Variants in MAGI1 observed in about 807,000 individuals in gnomAD.
The protein encoded by MAGI1 is membrane-associated guanylate kinase, WW and PDZ domain-containing protein 1.
Under a neutral mutation model 139.9 loss-of-function variants are expected in MAGI1, and 58 were observed. The ratio of observed to expected loss-of-function variants is 0.41; its 90% CI spans 0.34 to 0.52. The LOEUF is 0.52. Among genes scored for constraint, MAGI1 ranks in the 20% least tolerant of loss-of-function variants. MAGI1 has a pLI of 0.12. For missense variants in MAGI1, 1,874 were observed against 1,901.6 expected, an observed-to-expected ratio of 0.99 and a Z score of 0.27; for synonymous variants, 812 against 737.9, an observed-to-expected ratio of 1.10 and a Z score of -1.63.
At chr3:65,645,380 A>C (rs868381080) in intron 1 of MAGI1, among the ~76,000 whole-genome samples, 3 of 152,296 alleles carry the variant, frequency 2.0e-5, no homozygotes, top group Middle Eastern at 3.4e-3. Flanking sequence ...CTAATAGAAA[A>C]GGGTACAACA....
intron 1 of MAGI1, chr3:65,874,121 A>G (rs1218519959): frequency 6.6e-6 from 1 of 152,506 alleles, no homozygotes; most frequent in Non-Finnish European, 1.5e-5. Context: ...CCCCATCTCT[A>G]CAAAAAATAC....
At chr3:65,971,274 A>G (rs935516280) in intron 1 of MAGI1, among the ~76,000 whole-genome samples, 1 of 152,202 alleles carries the variant, frequency 6.6e-6, no homozygotes, top group Non-Finnish European at 1.5e-5. Flanking sequence ...TAAGCCTCAG[A>G]TCCTTGAAGA....
At chr3:65,440,087 C>T (rs1228027956) in intron 8 of MAGI1, 75 bp from the exon 9 acceptor site, 2 of 1,544,546 alleles carry the variant, frequency 1.3e-6, no homozygotes, top group Admixed American at 1.7e-5. Flanking sequence ...GACCAAGTCC[C>T]TGGAATCAAA....
rs572184510 is a variant in MAGI1 at position 65,493,044 on chromosome 3, C to T, written c.550+468G>A. On this transcript the variant is annotated intron_variant, in intron 3 of 22. Transcript: ENST00000402939. ...AGTGAGCCAAGATCGCGCCACTGCACTCCAGCCTGGGCGACAGAGCGAGAC... is the reference window on the plus strand; with the variant it reads ...AGTGAGCCAAGATCGCGCCACTGCATTCCAGCCTGGGCGACAGAGCGAGAC... Among the ~76,000 whole-genome samples, 4 of 147,026 alleles carry T rather than the reference C, an allele frequency of 2.7e-5. No homozygotes were observed. The East Asian group carries it at 8.2e-4, about 30-fold the overall frequency.
At chr3:65,872,698 T>C (rs1483519448) in intron 1 of MAGI1, 3 of 152,366 alleles carry the variant, frequency 2.0e-5, no homozygotes, top group African/African-American at 7.2e-5. Flanking sequence ...AAATATTTTA[T>C]TGTATGTACA....
At chr3:65,544,950 T>A (rs2079427941) in intron 2 of MAGI1, among the ~76,000 whole-genome samples, 1 of 152,206 alleles carries the variant, frequency 6.6e-6, no homozygotes, top group Non-Finnish European at 1.5e-5. Flanking sequence ...TTTGCTAATA[T>A]CTTCACCATC....
At chr3:65,528,023 T>C (rs2078470394) in intron 2 of MAGI1, among the ~76,000 whole-genome samples, 1 of 152,186 alleles carries the variant, frequency 6.6e-6, no homozygotes, top group African/African-American at 2.4e-5. Flanking sequence ...AAGGCATTTT[T>C]ACAGACTGCT....
chr3:65,539,809 C>T (rs2079128276), intron 2 of MAGI1, among the ~76,000 whole-genome samples: 1 of 152,184 alleles, frequency 6.6e-6, no homozygotes, highest in African/African-American at 2.4e-5. Context: ...TTCTAATTAA[C>T]CTTTCACCAC....
At chr3:65,623,354 AATATT>A (rs781291455) in intron 1 of MAGI1, among the ~76,000 whole-genome samples, 3 of 152,206 alleles carry the variant, frequency 2.0e-5, no homozygotes, top group Admixed American at 2.0e-4. Context: ...AAAAGCTAAA[AATATT>A]ATATTATCAC....
chr3:65,474,052 G>C (rs369056400), intron 4 of MAGI1, among the ~76,000 whole-genome samples: 2 of 152,284 alleles, frequency 1.3e-5, no homozygotes, highest in East Asian at 1.9e-4. Flanking sequence ...GAGTGCTTGA[G>C]CCCAGGAGTT....
intron 1 of MAGI1, among the ~76,000 whole-genome samples, chr3:65,717,816 G>A (rs762714555): frequency 1.3e-5 from 2 of 152,142 alleles, no homozygotes; most frequent in Non-Finnish European, 2.9e-5. Flanking sequence ...CCATGAGGAT[G>A]GAGCACTACC....
chr3:65,460,307 C>T (rs997920023), intron 5 of MAGI1, among the ~76,000 whole-genome samples: 9 of 152,054 alleles, frequency 5.9e-5, no homozygotes, highest in Non-Finnish European at 5.9e-5. Context: ...TGCATTTATG[C>T]CTTTTTTGTA....
At chr3:65,869,295 T>C (rs62245738) in intron 1 of MAGI1, among the ~76,000 whole-genome samples, 14,537 of 144,836 alleles carry the variant, frequency 0.1, 1,060 homozygotes, top group Middle Eastern at 0.16. Flanking sequence ...ATTATGTTTA[T>C]AATGTGTCAT....
At chr3:65,692,989 T>C (rs867814472) in intron 1 of MAGI1, among the ~76,000 whole-genome samples, 2 of 152,158 alleles carry the variant, frequency 1.3e-5, no homozygotes, top group South Asian at 2.1e-4. Context: ...TGGATTACAA[T>C]GGCACAATCA....
intron 1 of MAGI1, among the ~76,000 whole-genome samples, chr3:65,997,779 A>G (rs1287318126): frequency 2.0e-5 from 3 of 152,048 alleles, no homozygotes; most frequent in African/African-American, 7.2e-5. Flanking sequence ...CTCTCCACAC[A>G]CACCCTCTCC....
At chr3:65,848,084 G>C (rs1420155698) in intron 1 of MAGI1, among the ~76,000 whole-genome samples, 2 of 152,142 alleles carry the variant, frequency 1.3e-5, no homozygotes, top group East Asian at 1.9e-4. Context: ...GAGAATAAGA[G>C]TTACCCAAAG....
intron 1 of MAGI1, among the ~76,000 whole-genome samples, chr3:65,695,907 A>G (rs1250548646): frequency 6.6e-6 from 1 of 152,112 alleles, no homozygotes; most frequent in Non-Finnish European, 1.5e-5. Flanking sequence ...TACTCATCCT[A>G]CATCACCTAA....
Position 65,356,674 on chromosome 3 carries a change from C to G in MAGI1, c.4093G>C (p.Gly1365Arg). The G allele has an allele frequency of 6.3e-7, 1 of 1,584,022 alleles. No homozygotes were observed. The highest frequency in any genetic ancestry group is 1.2e-5 in the South Asian group (1 of 86,176). The change falls in exon 23 of 23, where the codon GGC becomes CGC. Residue 1365 changes from glycine (G) to arginine (R), a missense_variant. Gly to Arg is a moderately radical substitution (Grantham distance 125). Around this residue, in one of 5 missense-constraint regions of MAGI1, gnomAD observed 653 missense variants for 644.5 expected, o/e 1.01. Coordinates refer to ENST00000402939, the MANE Select transcript of MAGI1 (RefSeq NM_001033057.2). ...RERSPTRRRD[G>R]SPSRRRRSLE... ...GACCGTCTCCGCCGGCTGGGGGAGC[C>G]GTCTCTCCTGCGGGTGGGTGACCGC... is the stretch of plus-strand genomic sequence containing the variant.
chr3:65,841,923 G>T (rs746896423), intron 1 of MAGI1, among the ~76,000 whole-genome samples: 1 of 151,848 alleles, frequency 6.6e-6, no homozygotes, highest in Non-Finnish European at 1.5e-5. Context: ...GCGCAACTGG[G>T]GTTCATTTCA....
Sources: allele counts gnomAD v4.1 joint callset (sites outside exome capture counted in the v4.1 genomes callset), GRCh38; gene constraint gnomAD v4.1.1; regional missense constraint gnomAD v4.1.1; transcripts MANE v1.5; gene names NCBI Gene and HGNC (gene_info 2026-07-23, HGNC 2026-07-21).